Variants in SPATA13 observed in about 807,000 individuals in gnomAD.
SPATA13 encodes the protein spermatogenesis associated 13.
In SPATA13, 50 loss-of-function variants were observed where a neutral mutation model predicts 104.0. The observed-to-expected ratio is 0.48, with a 90% CI of 0.38 to 0.61. The LOEUF (loss-of-function observed/expected upper bound fraction) is 0.61, where lower values mean the gene tolerates loss of function less well. Ranked by LOEUF, SPATA13 falls within the 20% of genes least tolerant of loss-of-function variation. The probability of loss-of-function intolerance (pLI) is 0.00; values close to 1 mark genes in which losing one functional copy is unlikely to be tolerated. For synonymous variants in SPATA13, 606 were observed against 667.5 expected (o/e 0.91, Z 1.42); for missense variants, 1,524 against 1,690.6 (o/e 0.90, Z 1.73).
At chr13:24,142,915 T>A (rs1881809150) in intron 3 of SPATA13, among the ~76,000 whole-genome samples, 1 of 152,154 alleles carries the variant, frequency 6.6e-6, no homozygotes, top group Non-Finnish European at 1.5e-5. Context: ...GTCAGGGCCT[T>A]CTCCTTTCTT....
At chr13:24,012,488 A>G (rs577737591) in intron 2 of SPATA13, among the ~76,000 whole-genome samples, 57 of 152,224 alleles carry the variant, frequency 3.7e-4, no homozygotes, top group Admixed American at 2.6e-4. Context: ...TACTGTCTCC[A>G]AGGAGTGGGA....
At chr13:24,217,424 A>G (rs543272380) in intron 1 of SPATA13, among the ~76,000 whole-genome samples, 7 of 152,330 alleles carry the variant, frequency 4.6e-5, no homozygotes, top group African/African-American at 1.7e-4. Flanking sequence ...ATGTTGGGGT[A>G]TCAGACCTGA....
chr13:24,247,730 A>G (rs1385881999), intron 2 of SPATA13, among the ~76,000 whole-genome samples: 1 of 151,964 alleles, frequency 6.6e-6, no homozygotes, highest in African/African-American at 2.4e-5. Context: ...TGATCTGCCC[A>G]TCTTGGCCTC....
rs1353391954 is a variant in SPATA13, at chr13:24,205,828, A to G, written c.-111-16991A>G. Among the ~76,000 whole-genome samples the G allele has an allele frequency of 6.6e-6, 1 of 152,180 alleles. No homozygotes were observed. Among genetic ancestry groups the G allele is most frequent in the East Asian group, 1.9e-4 (1 of 5,198 alleles). On this transcript the variant is annotated intron_variant, in intron 1 of 12. Coordinates refer to ENST00000382108, the MANE Select transcript of SPATA13 (RefSeq NM_001166271.3). The surrounding 1 kb of genome is among the most constrained non-coding windows in gnomAD (Gnocchi z 4.1). ...TGACAAACCTGACCAAAAACAAGCA[A>G]TGGAGAAAGGATACCCTATTTAATA...
chr13:23,990,615 C>T (rs1042108254), intron 2 of SPATA13, among the ~76,000 whole-genome samples: 4 of 152,192 alleles, frequency 2.6e-5, no homozygotes, highest in African/African-American at 7.2e-5. Flanking sequence ...GGATTCTTCT[C>T]AGATCCAGCA....
intron 1 of SPATA13, among the ~76,000 whole-genome samples, chr13:24,207,739 C>G (rs1383092923): frequency 1.3e-5 from 2 of 152,216 alleles, no homozygotes; most frequent in Non-Finnish European, 2.9e-5. Flanking sequence ...GTTCAGCGTT[C>G]AGTAACCTGC....
chr13:24,166,037 C>T (rs180675575), intron 1 of SPATA13, among the ~76,000 whole-genome samples: 53 of 152,278 alleles, frequency 3.5e-4, no homozygotes, highest in South Asian at 2.7e-3. Context: ...TCTTCTGTAA[C>T]GTATAAAAGT....
intron 3 of SPATA13, chr13:24,123,335 G>A (rs1166096195): frequency 1.9e-5 from 26 of 1,370,730 alleles, no homozygotes; most frequent in Non-Finnish European, 2.0e-5. Context: ...GATCACTTTC[G>A]AACTTCACTT....
chr13:24,284,079 GA>G, intron 4 of SPATA13, 55 bp from the exon 5 acceptor site: 1 of 1,551,890 alleles, frequency 6.4e-7, no homozygotes, highest in Non-Finnish European at 8.8e-7. Context: ...TTCATCATAT[GA>G]AAAAATCTTG....
intron 4 of SPATA13, among the ~76,000 whole-genome samples, chr13:24,257,044 C>G (rs17366913): frequency 0.067 from 10,255 of 152,268 alleles, 404 homozygotes; most frequent in African/African-American, 0.094. Context: ...ACCTAAGCTC[C>G]TAATTTTTTT....
At chr13:24,134,446 TGCTACATAGAGGTC>T (rs1391769099) in intron 3 of SPATA13, among the ~76,000 whole-genome samples, 9 of 152,314 alleles carry the variant, frequency 5.9e-5, no homozygotes, top group Admixed American at 3.9e-4. Context: ...GGGGTGCGCC[TGCTACATAGAGGTC>T]GTATGGATGC....
rs147164796 is a variant in SPATA13, at chr13:24,270,009, A to G, written c.2165-14126A>G. Among the ~76,000 whole-genome samples the G allele has an allele frequency of 3.4e-3, 523 of 152,166 alleles. 1 individual carries two copies. The highest frequency in any genetic ancestry group is 0.012 in the African/African-American group (505 of 41,506). ...GTAGTTGGGATTACAGGCATGAGCC[A>G]GCGGGCCCAGCTTAAACCCACATTT... is the stretch of plus-strand genomic sequence containing the variant. On this transcript the variant is annotated intron_variant, in intron 4 of 12. Coordinates refer to ENST00000382108, the MANE Select transcript of SPATA13 (RefSeq NM_001166271.3).
chr13:24,007,084 G>T, intron 2 of SPATA13, among the ~76,000 whole-genome samples: 1 of 152,174 alleles, frequency 6.6e-6, no homozygotes, highest in East Asian at 1.9e-4. Flanking sequence ...TCAGCTGAGT[G>T]TGACCTTCCT....
At chr13:23,982,081 G>A (rs1192155675) in intron 1 of SPATA13, among the ~76,000 whole-genome samples, 1 of 152,208 alleles carries the variant, frequency 6.6e-6, no homozygotes, top group Admixed American at 6.5e-5. Flanking sequence ...GTGTTTTAAA[G>A]TACTGTGTTT....
chr13:24,233,104 C>T lies in SPATA13; in HGVS notation c.1653+8522C>T, dbSNP rs144205733. On this transcript the variant is annotated intron_variant, in intron 2 of 12. Coordinates refer to ENST00000382108, the MANE Select transcript of SPATA13 (RefSeq NM_001166271.3). ...TTTATCCAGCCTCCATTTATTCAGCCGCCTATGGTTTTTGTACTGCAGAGA... is the reference window on the plus strand; with the variant it reads ...TTTATCCAGCCTCCATTTATTCAGCTGCCTATGGTTTTTGTACTGCAGAGA... Among the ~76,000 whole-genome samples, 84 of 152,162 alleles carry T rather than the reference C, an allele frequency of 5.5e-4. 1 individual carries two copies. Among genetic ancestry groups the T allele is most frequent in the African/African-American group, 1.8e-3 (74 of 41,478 alleles).
At chr13:24,216,495 T>C (rs1871266657) in intron 1 of SPATA13, among the ~76,000 whole-genome samples, 2 of 152,376 alleles carry the variant, frequency 1.3e-5, no homozygotes, top group South Asian at 2.1e-4. Flanking sequence ...CATTTGTCCA[T>C]ATACTTTCAA....
At chr13:24,153,218 C>T (rs1471290642) in intron 3 of SPATA13, among the ~76,000 whole-genome samples, 1 of 152,190 alleles carries the variant, frequency 6.6e-6, no homozygotes. Flanking sequence ...GCTGGTCTGT[C>T]TCATGTATGT....
intron 9 of SPATA13, among the ~76,000 whole-genome samples, chr13:24,292,692 A>G (rs1431662829): frequency 6.6e-6 from 1 of 152,096 alleles, no homozygotes; most frequent in East Asian, 1.9e-4. Context: ...CTGTGGAGAG[A>G]CAGACTTAAA....
chr13:24,283,705 G>A (rs1875716610), intron 4 of SPATA13, among the ~76,000 whole-genome samples: 2 of 152,228 alleles, frequency 1.3e-5, no homozygotes, highest in Non-Finnish European at 2.9e-5. Flanking sequence ...GGATGTACTG[G>A]TTTTAGTAAT....
Sources: gnomAD v4.1 joint callset for allele counts (sites outside exome capture counted in the v4.1 genomes callset) on GRCh38, gnomAD v4.1.1 for gene constraint, Gnocchi (gnomAD v3.1) non-coding constraint, MANE v1.5 for transcripts, NCBI Gene and HGNC (gene_info 2026-07-23, HGNC 2026-07-21) for gene names.